CTSS: variants seen among roughly 807,000 people sequenced by gnomAD.
CTSS encodes cathepsin S.
CTSS carries 15 observed loss-of-function variants against 39.9 expected under a neutral mutation model. That is an observed-to-expected ratio of 0.38 (90% CI 0.25 to 0.58). The LOEUF (loss-of-function observed/expected upper bound fraction) is 0.58. Among genes scored for constraint, CTSS ranks in the 20% least tolerant of loss-of-function variants. The pLI is 0.70. For missense variants in CTSS, 250 were observed against 398.2 expected (o/e 0.63, Z 3.17); for synonymous variants, 126 against 138.2 (o/e 0.91, Z 0.62).
intron 7 of CTSS, among the ~76,000 whole-genome samples, chr1:150,737,228 G>C (rs149139621): frequency 3.9e-5 from 6 of 152,116 alleles, no homozygotes; most frequent in Admixed American, 3.9e-4. Flanking sequence ...TCAGCCTCCT[G>C]AGTAGCTGGG....
At chr1:150,759,546 A>C (rs182200019) in intron 2 of CTSS, among the ~76,000 whole-genome samples, 1 of 152,130 alleles carries the variant, frequency 6.6e-6, no homozygotes, top group East Asian at 1.9e-4. Flanking sequence ...TCGCAATGAC[A>C]ATATTTTTTA....
intron 2 of CTSS, among the ~76,000 whole-genome samples, chr1:150,761,739 C>CAAGAAAAAAAGAAAA (rs112658271): frequency 1.3e-5 from 2 of 150,920 alleles, no homozygotes; most frequent in African/African-American, 4.9e-5. Flanking sequence ...CTCAAAAAAA[C>CAAGAAAAAAAGAAAA]AAGAAAAAAA....
chr1:150,759,862 A>G (rs1653216412), intron 2 of CTSS, among the ~76,000 whole-genome samples: 1 of 152,094 alleles, frequency 6.6e-6, no homozygotes, highest in African/African-American at 2.4e-5. Context: ...GCCCAGTCCC[A>G]GAGGCACTGG....
At chr1:150,753,914 C>G (rs945434524) in intron 4 of CTSS, among the ~76,000 whole-genome samples, 4 of 151,618 alleles carry the variant, frequency 2.6e-5, no homozygotes, top group Non-Finnish European at 5.9e-5. Context: ...GCAGTCCAGC[C>G]TGGGCAACAG....
intron 4 of CTSS, among the ~76,000 whole-genome samples, chr1:150,753,897 C>T (rs1279812977): frequency 1.3e-5 from 2 of 151,830 alleles, no homozygotes; most frequent in African/African-American, 4.8e-5. Context: ...GCCCAGATCG[C>T]ACCACTGCAG....
Position 150,733,106 on chromosome 1 carries a change from C to A in CTSS, c.936G>T (p.Met312Ile). 1 of 1,613,690 alleles carries A rather than the reference C, an allele frequency of 6.2e-7. No individual in the cohort carries two copies. Among genetic ancestry groups the A allele is most frequent in the South Asian group, 1.1e-5 (1 of 91,026 alleles). ...CACAATGATTTCCTTTATTTCTTGCCATCCGAATATATCCTTCTTCACCAA... is the reference window on the plus strand; with the variant it reads ...CACAATGATTTCCTTTATTTCTTGCAATCCGAATATATCCTTCTTCACCAA... Reference protein sequence around the residue: ...HNFGEEGYIRMARNKGNHCGI... With the variant: ...HNFGEEGYIRIARNKGNHCGI... Residue 312 changes from methionine (M) to isoleucine (I), a missense_variant, in exon 8 of 8, where the codon ATG (methionine) becomes ATT (isoleucine). By Grantham distance (10) the Met-to-Ile change is conservative. Transcript: ENST00000368985.
rs995109718 is a variant in CTSS at position 150,730,652 on chromosome 1, G to A, written c.*2394C>T. 2.6e-5 allele frequency: 4 copies of A among 152,132 alleles called. No individual in the cohort carries two copies. Among genetic ancestry groups the A allele is most frequent in the Non-Finnish European group, 5.9e-5 (4 of 68,018 alleles). 9.4% of individuals were successfully genotyped at this position (152,132 alleles called of 1,614,324 possible). The stretch of plus-strand genomic sequence containing the variant: ...GTCAAAGTGCTGTATTTTGTGTAGG[G>A]TGTCCTGAACCCCGTCACTAACCTC... On this transcript the variant is annotated 3_prime_UTR_variant, in exon 8 of 8. Coordinates refer to ENST00000368985, the MANE Select transcript of CTSS (RefSeq NM_004079.5).
At position 150,730,621 on chromosome 1, in the gene CTSS, C is replaced by T. The variant is rs1652499179; in HGVS notation, c.*2425G>A. The T allele has an allele frequency of 6.6e-6, 1 of 152,150 alleles. No individual in the cohort carries two copies. Among genetic ancestry groups the T allele is most frequent in the African/African-American group, 2.4e-5 (1 of 41,430 alleles). 9.4% of individuals were successfully genotyped at this position (152,150 alleles called of 1,614,324 possible). A position where few individuals can be genotyped will look rare whatever the true frequency, so the allele number is the denominator to read the frequency against. ...TCAAATGCCTTCAGCTTAAAATATTCAATATGTCAAAGTGCTGTATTTTGT... is the reference window on the plus strand; with the variant it reads ...TCAAATGCCTTCAGCTTAAAATATTTAATATGTCAAAGTGCTGTATTTTGT... On this transcript the variant is annotated 3_prime_UTR_variant, in exon 8 of 8. Transcript: ENST00000368985.
chr1:150,737,350 C>T (rs1652658105), intron 7 of CTSS, among the ~76,000 whole-genome samples: 1 of 152,162 alleles, frequency 6.6e-6, no homozygotes, highest in Non-Finnish European at 1.5e-5. Context: ...GATCCTCCCA[C>T]CTCGGCCTCC....
chr1:150,759,070 A>C (rs1653198416), intron 2 of CTSS, among the ~76,000 whole-genome samples: 1 of 144,152 alleles, frequency 6.9e-6, no homozygotes, highest in South Asian at 2.2e-4. Flanking sequence ...GGGTCTCCCT[A>C]TGTTGCCTAG....
At chr1:150,764,497 C>A (rs2101929536) in intron 2 of CTSS, 141 bp downstream of exon 2, 1 of 1,142,708 alleles carries the variant, frequency 8.8e-7, no homozygotes, top group East Asian at 2.6e-5. Flanking sequence ...CTTGGCCTTC[C>A]AAAGGGCTAG....
intron 3 of CTSS, among the ~76,000 whole-genome samples, chr1:150,756,479 G>A (rs1308049066): frequency 1.3e-5 from 2 of 152,090 alleles, no homozygotes; most frequent in Non-Finnish European, 2.9e-5. Context: ...CATACCACTG[G>A]CAGAGCAGTA....
At chr1:150,764,438 A>G (rs778157359) in intron 2 of CTSS, among the ~76,000 whole-genome samples, 200 bp downstream of exon 2, 2 of 152,136 alleles carry the variant, frequency 1.3e-5, no homozygotes, top group South Asian at 4.2e-4. Context: ...GGGTTTCGCC[A>G]TGTTGGCTAG....
intron 5 of CTSS, 35 bp downstream of exon 5, chr1:150,751,746 C>A: frequency 6.3e-7 from 1 of 1,588,780 alleles, no homozygotes; most frequent in Non-Finnish European, 8.6e-7. Flanking sequence ...AACATGAGAT[C>A]ATGGGGCAGC....
At chr1:150,759,032 A>G (rs982912984) in intron 2 of CTSS, among the ~76,000 whole-genome samples, 17 of 113,740 alleles carry the variant, frequency 1.5e-4, no homozygotes, top group African/African-American at 5.0e-4. Flanking sequence ...TTTTTATTTT[A>G]TTATTATTTT....
At chr1:150,750,208 C>T in intron 5 of CTSS, 37 bp from the exon 6 acceptor site, 1 of 1,524,324 alleles carries the variant, frequency 6.6e-7, no homozygotes, top group Non-Finnish European at 9.0e-7. Context: ...AAGTATACTT[C>T]AACTCCTGTA....
intron 5 of CTSS, among the ~76,000 whole-genome samples, chr1:150,750,783 G>C (rs1229945757): frequency 6.6e-6 from 1 of 152,014 alleles, no homozygotes; most frequent in Non-Finnish European, 1.5e-5. Context: ...CTGCTACTCA[G>C]GTGTGCACCA....
intron 1 of CTSS, among the ~76,000 whole-genome samples, chr1:150,765,101 CAA>C (rs34212473): frequency 9.1e-5 from 12 of 132,266 alleles, no homozygotes; most frequent in Admixed American, 7.7e-5. Context: ...CTCTCTCTCT[CAA>C]AAAAAAAAAA....
intron 2 of CTSS, among the ~76,000 whole-genome samples, chr1:150,759,687 G>A (rs913525997): frequency 6.6e-6 from 1 of 151,910 alleles, no homozygotes; most frequent in Admixed American, 6.6e-5. Flanking sequence ...GCTGACCGAC[G>A]ATTTTCTTGT....
Sources: allele counts gnomAD v4.1 joint callset (sites outside exome capture counted in the v4.1 genomes callset), GRCh38; gene constraint gnomAD v4.1.1; transcripts MANE v1.5; gene names NCBI Gene and HGNC (gene_info 2026-07-23, HGNC 2026-07-21).